Variants in LRRC7 observed in about 807,000 individuals in gnomAD.
LRRC7 encodes the protein leucine-rich repeat-containing protein 7.
A neutral mutation model predicts 175.7 loss-of-function variants in LRRC7; 23 were observed. That is an observed-to-expected ratio of 0.13 (90% CI 0.09 to 0.19). The LOEUF is 0.19. Ranked by LOEUF, LRRC7 falls within the 10% of genes least tolerant of loss-of-function variation. The pLI is 1.00. For missense variants in LRRC7, 1,354 were observed against 1,904.7 expected, an observed-to-expected ratio of 0.71 and a Z score of 5.38; for synonymous variants, 685 against 680.9, an observed-to-expected ratio of 1.01 and a Z score of -0.09.
chr1:69,771,886 C>T (rs996745066), intron 3 of LRRC7, among the ~76,000 whole-genome samples: 4 of 151,994 alleles, frequency 2.6e-5, no homozygotes, highest in African/African-American at 7.3e-5. Flanking sequence ...TTTGGGATGC[C>T]GAGGATGGCA....
At position 70,076,195 on chromosome 1, in the gene LRRC7, T is replaced by G; in HGVS notation, c.4349T>G (p.Leu1450Trp). ...KVTIQQFQSP[L>W]PIQIPSSQAT... ...ACCATCCAGCAATTTCAGTCACCAT[T>G]GCCTATTCAGATCCCCTCTTCACAG... The change falls in exon 24 of 27, where the codon TTG becomes TGG. Residue 1450 changes from leucine to tryptophan, a missense_variant. Transcript: ENST00000651989. The G allele has an allele frequency of 1.2e-6, 2 of 1,614,134 alleles. No individual in the cohort carries two copies. Among genetic ancestry groups the G allele is most frequent in the Non-Finnish European group, 1.7e-6 (2 of 1,179,990 alleles).
chr1:69,629,440 C>T (rs1652128954), intron 1 of LRRC7, among the ~76,000 whole-genome samples: 1 of 152,044 alleles, frequency 6.6e-6, no homozygotes, highest in Admixed American at 6.6e-5. Context: ...TTATGCCTGC[C>T]TTGAACCATG....
chr1:69,972,407 C>G (rs1023665095), intron 8 of LRRC7, among the ~76,000 whole-genome samples: 4 of 152,126 alleles, frequency 2.6e-5, no homozygotes. Flanking sequence ...ACAACAAACT[C>G]AAACTAATTA....
At chr1:69,777,494 C>T (rs528648032) in intron 3 of LRRC7, among the ~76,000 whole-genome samples, 1 of 152,288 alleles carries the variant, frequency 6.6e-6, no homozygotes, top group East Asian at 1.9e-4. Context: ...TGAAGACTCA[C>T]AAAGCTACGA....
chr1:69,915,952 A>C (rs1646673542), intron 7 of LRRC7, among the ~76,000 whole-genome samples: 4 of 147,528 alleles, frequency 2.7e-5, no homozygotes, highest in Admixed American at 2.1e-4. Context: ...TCAAAGTCAA[A>C]CAGCTAGTGA....
chr1:70,039,664 C>T lies in LRRC7; in HGVS notation c.3840C>T (p.Asp1280=). The T allele has an allele frequency of 6.2e-7, 1 of 1,614,078 alleles. No individual in the cohort carries two copies. Among genetic ancestry groups the T allele is most frequent in the Non-Finnish European group, 8.5e-7 (1 of 1,179,998 alleles). The part of the protein sequence containing the change: ...PSDYNLGNYG[D]KPSDNSDLKT... ...ACTATAACTTGGGTAACTATGGTGA[C>T]AAGCCATCAGATAACAGTGATTTAA... The change falls in exon 21 of 27, where the codon GAC becomes GAT. Residue 1280 remains aspartate, a synonymous_variant. Coordinates refer to ENST00000651989, the MANE Select transcript of LRRC7 (RefSeq NM_001370785.2).
At chr1:69,718,675 A>G (rs1411830412) in intron 2 of LRRC7, among the ~76,000 whole-genome samples, 2 of 151,842 alleles carry the variant, frequency 1.3e-5, no homozygotes, top group East Asian at 1.9e-4. Context: ...ATCAATATTC[A>G]GTCATCAAAA....
At chr1:69,713,267 C>T (rs1664985283) in intron 2 of LRRC7, among the ~76,000 whole-genome samples, 1 of 152,070 alleles carries the variant, frequency 6.6e-6, no homozygotes, top group Admixed American at 6.6e-5. Flanking sequence ...AGGAGGCTCA[C>T]TTGAGCCTAG....
intron 7 of LRRC7, among the ~76,000 whole-genome samples, chr1:69,899,731 T>G (rs10889862): frequency 0.14 from 21,939 of 152,132 alleles, 2,310 homozygotes; most frequent in African/African-American, 0.3. Flanking sequence ...TAAGAGGTGA[T>G]TAGGCTGTAA....
intron 2 of LRRC7, among the ~76,000 whole-genome samples, chr1:69,694,985 A>G (rs1174072795): frequency 6.6e-6 from 1 of 152,246 alleles, no homozygotes; most frequent in Non-Finnish European, 1.5e-5. Flanking sequence ...GGAGTGGAGC[A>G]TTGCTATAAA....
intron 1 of LRRC7, among the ~76,000 whole-genome samples, chr1:69,612,278 T>C (rs925543788): frequency 1.3e-5 from 2 of 152,082 alleles, no homozygotes; most frequent in African/African-American, 4.8e-5. Context: ...CTTGATCTGA[T>C]ATGAAATTTA....
intron 3 of LRRC7, among the ~76,000 whole-genome samples, chr1:69,783,753 CAAAAAAAAAAAAA>C (rs10712087): frequency 3.9e-4 from 33 of 84,730 alleles, no homozygotes; most frequent in African/African-American, 9.9e-4. Flanking sequence ...CTCCCCATCT[CAAAAAAAAAAAAA>C]AAAAAAAAAA....
At chr1:69,663,702 T>A (rs1455766735) in intron 1 of LRRC7, among the ~76,000 whole-genome samples, 1 of 41,696 alleles carries the variant, frequency 2.4e-5, no homozygotes, top group Non-Finnish European at 5.0e-5. Flanking sequence ...TCGTTTTAAT[T>A]TTTTTTTTTT....
intron 7 of LRRC7, chr1:69,919,813 C>A: frequency 1.3e-6 from 1 of 771,384 alleles, no homozygotes. Flanking sequence ...CGGATTCCGG[C>A]ATCCACGTCA....
chr1:69,631,407 T>A (rs1652474400), intron 1 of LRRC7, among the ~76,000 whole-genome samples: 1 of 152,108 alleles, frequency 6.6e-6, no homozygotes, highest in Admixed American at 6.6e-5. Flanking sequence ...TCTTCAGAGT[T>A]TTGCCATAGG....
chr1:69,701,498 T>TA (rs955175027), intron 2 of LRRC7, among the ~76,000 whole-genome samples: 22 of 152,158 alleles, frequency 1.4e-4, no homozygotes, highest in African/African-American at 3.9e-4. Flanking sequence ...CATTTTCATT[T>TA]AAAAAAAACC....
intron 1 of LRRC7, among the ~76,000 whole-genome samples, chr1:69,623,655 A>G (rs1312793282): frequency 6.6e-6 from 1 of 151,450 alleles, no homozygotes; most frequent in Non-Finnish European, 1.5e-5. Flanking sequence ...GGTTCAAGCA[A>G]TTTTCCTGCC....
At chr1:69,761,929 A>T (rs925293620) in intron 3 of LRRC7, among the ~76,000 whole-genome samples, 1 of 151,982 alleles carries the variant, frequency 6.6e-6, no homozygotes, top group African/African-American at 2.4e-5. Context: ...ATTTAGGAAA[A>T]TAGGCATGGG....
At chr1:69,637,515 A>C (rs907682667) in intron 1 of LRRC7, among the ~76,000 whole-genome samples, 2 of 151,928 alleles carry the variant, frequency 1.3e-5, no homozygotes, top group Non-Finnish European at 2.9e-5. Context: ...AGGCTTTGGC[A>C]AGATATTTAA....
Sources: allele counts gnomAD v4.1 joint callset (sites outside exome capture counted in the v4.1 genomes callset), GRCh38; gene constraint gnomAD v4.1.1; transcripts MANE v1.5; gene names NCBI Gene and HGNC (gene_info 2026-07-23, HGNC 2026-07-21).